The following APBA1 variants were observed in gnomAD, a reference collection of about 807,000 sequenced individuals.
The protein encoded by APBA1 is amyloid-beta A4 precursor protein-binding family A member 1.
Under a neutral mutation model 86.6 loss-of-function variants are expected in APBA1, and 55 were observed. The ratio of observed to expected loss-of-function variants is 0.64; its 90% CI spans 0.51 to 0.80. The LOEUF is 0.80. APBA1 is among the 30% of genes least tolerant of loss of function. The pLI is 0.00. For missense variants in APBA1, 1,090 were observed against 1,183.0 expected, an observed-to-expected ratio of 0.92 and a Z score of 1.15; for synonymous variants, 511 against 493.9, an observed-to-expected ratio of 1.03 and a Z score of -0.46.
rs538352025 is a variant in APBA1 at position 69,441,244 on chromosome 9, C to A, written c.2182-129G>T. 1.0e-5 allele frequency: 12 copies of A among 1,167,702 alleles called. No individual in the cohort carries two copies. In the African/African-American group the frequency reaches 1.6e-4, roughly 15 times the overall value. 72.3% of individuals were successfully genotyped at this position (1,167,702 alleles called of 1,614,324 possible). Reference sequence around the variant, plus strand: ...GAAGGACCCACTGCCTGCTTGCCTGCAGGCCTCTGGTGCCTGGGCTGGTAC... The same window carrying A: ...GAAGGACCCACTGCCTGCTTGCCTGAAGGCCTCTGGTGCCTGGGCTGGTAC... On this transcript the variant is annotated intron_variant, in intron 10 of 12. Transcript: ENST00000265381.
chr9:69,526,142 G>C (rs995101211), intron 1 of APBA1, among the ~76,000 whole-genome samples: 32 of 151,802 alleles, frequency 2.1e-4, no homozygotes, highest in African/African-American at 7.5e-4. Context: ...TTTGGTCTTG[G>C]GGACACCACA....
chr9:69,569,376 C>A (rs776015595), intron 1 of APBA1, among the ~76,000 whole-genome samples: 1 of 152,036 alleles, frequency 6.6e-6, no homozygotes, highest in Non-Finnish European at 1.5e-5. Context: ...TTCTAGTGTA[C>A]AGGAGGGCTA....
intron 1 of APBA1, among the ~76,000 whole-genome samples, chr9:69,667,138 T>C (rs570459089): frequency 6.6e-6 from 1 of 152,192 alleles, no homozygotes; most frequent in Non-Finnish European, 1.5e-5. Context: ...TTAGCTCAGA[T>C]CTCTGAGAGA....
chr9:69,514,036 C>T (rs950348072), intron 2 of APBA1, among the ~76,000 whole-genome samples: 9 of 152,246 alleles, frequency 5.9e-5, no homozygotes, highest in Admixed American at 5.9e-4. Context: ...TTATAGCAAA[C>T]GAGTCAGAGC....
At chr9:69,602,741 C>T (rs921326365) in intron 1 of APBA1, among the ~76,000 whole-genome samples, 2 of 151,994 alleles carry the variant, frequency 1.3e-5, no homozygotes, top group African/African-American at 4.8e-5. Flanking sequence ...CACTTTAGGC[C>T]CTGGGGGAGA....
chr9:69,523,878 C>T (rs1208337726), intron 1 of APBA1, among the ~76,000 whole-genome samples: 1 of 151,950 alleles, frequency 6.6e-6, no homozygotes, highest in Non-Finnish European at 1.5e-5. Context: ...AAAATCATAC[C>T]AGCCATATTC....
chr9:69,513,145 T>C (rs560576474), intron 2 of APBA1, among the ~76,000 whole-genome samples: 30 of 152,370 alleles, frequency 2.0e-4, no homozygotes, highest in African/African-American at 6.5e-4. Context: ...GTGATCCATA[T>C]TGATTTCTTA....
At chr9:69,523,497 G>GTGTATATA (rs1836291798) in intron 1 of APBA1, among the ~76,000 whole-genome samples, 2 of 30,908 alleles carry the variant, frequency 6.5e-5, no homozygotes, top group African/African-American at 1.8e-4. Context: ...ATATATATAT[G>GTGTATATA]TATATATATA....
intron 1 of APBA1, among the ~76,000 whole-genome samples, chr9:69,657,511 C>A (rs565577900): frequency 6.6e-6 from 1 of 152,140 alleles, no homozygotes; most frequent in Non-Finnish European, 1.5e-5. Context: ...AGACAGAAGT[C>A]CCCCTGCTTA....
At chr9:69,463,705 T>C (rs545140587) in intron 5 of APBA1, 2 of 151,920 alleles carry the variant, frequency 1.3e-5, no homozygotes, top group African/African-American at 4.8e-5. Flanking sequence ...ACAAACAATG[T>C]AGGCAGAGGA....
intron 1 of APBA1, among the ~76,000 whole-genome samples, chr9:69,643,918 A>G (rs928616577): frequency 9.9e-5 from 15 of 152,186 alleles, no homozygotes; most frequent in African/African-American, 3.6e-4. Flanking sequence ...GACTCCAAGC[A>G]TGCTCTTGCC....
chr9:69,628,534 C>T lies in APBA1; in HGVS notation c.-70+43619G>A, dbSNP rs563500205. Among the ~76,000 whole-genome samples, 6 of 152,250 alleles carry T rather than the reference C, an allele frequency of 3.9e-5. No homozygotes were observed. The East Asian group carries it at 5.8e-4, about 15-fold the overall frequency. On this transcript the variant is annotated intron_variant, in intron 1 of 12. Coordinates refer to ENST00000265381, the MANE Select transcript of APBA1 (RefSeq NM_001163.4). ...GCTAACCCCGCTCTGAAAATAATCA[C>T]GGGAAGAAATATTCAGACAGTGACA...
chr9:69,519,070 T>G (rs1233777333), intron 1 of APBA1, among the ~76,000 whole-genome samples: 2 of 152,212 alleles, frequency 1.3e-5, no homozygotes, highest in Non-Finnish European at 2.9e-5. Flanking sequence ...CAACCTCTTT[T>G]GAAAAATTTT....
At chr9:69,548,476 G>A (rs1435719612) in intron 1 of APBA1, among the ~76,000 whole-genome samples, 2 of 152,234 alleles carry the variant, frequency 1.3e-5, no homozygotes, top group African/African-American at 4.8e-5. Context: ...ACTAATATAA[G>A]TGGGTTGGCA....
At chr9:69,431,453 G>T in intron 12 of APBA1, 55 bp from the exon 13 acceptor site, 1 of 1,516,072 alleles carries the variant, frequency 6.6e-7, no homozygotes, top group Non-Finnish European at 9.1e-7. Context: ...CTGGCTGCGT[G>T]GGCACTGCCC....
chr9:69,583,775 T>C (rs1463651718), intron 1 of APBA1, among the ~76,000 whole-genome samples: 1 of 152,218 alleles, frequency 6.6e-6, no homozygotes, highest in African/African-American at 2.4e-5. Flanking sequence ...CTTGTGATAC[T>C]GCGGAATCAT....
At chr9:69,435,332 A>G (rs965467799) in intron 11 of APBA1, among the ~76,000 whole-genome samples, 4 of 152,130 alleles carry the variant, frequency 2.6e-5, no homozygotes, top group Admixed American at 2.6e-4. Flanking sequence ...GCTGGGTCAA[A>G]TGGTATTTCT....
intron 1 of APBA1, among the ~76,000 whole-genome samples, chr9:69,626,509 G>A (rs1020856075): frequency 5.3e-5 from 8 of 152,030 alleles, no homozygotes; most frequent in African/African-American, 1.7e-4. Context: ...CATACTCATC[G>A]TGTGTATCGC....
At chr9:69,579,018 CAACA>C (rs1281287119) in intron 1 of APBA1, among the ~76,000 whole-genome samples, 2 of 152,024 alleles carry the variant, frequency 1.3e-5, no homozygotes, top group Non-Finnish European at 2.9e-5. Flanking sequence ...GCAGTTCCAG[CAACA>C]ACCAAGTTCT....
Sources: gnomAD v4.1 joint callset for allele counts (sites outside exome capture counted in the v4.1 genomes callset) on GRCh38, gnomAD v4.1.1 for gene constraint, MANE v1.5 for transcripts, NCBI Gene and HGNC (gene_info 2026-07-23, HGNC 2026-07-21) for gene names.